IL1RAPL1: variants seen among roughly 807,000 people sequenced by gnomAD.
IL1RAPL1 encodes the protein interleukin 1 receptor accessory protein like 1.
IL1RAPL1 carries 3 observed loss-of-function variants against 48.4 expected under a neutral mutation model. The ratio of observed to expected loss-of-function variants is 0.06; its 90% CI spans 0.03 to 0.16. The LOEUF (loss-of-function observed/expected upper bound fraction) is 0.16. IL1RAPL1 is among the 10% of genes least tolerant of loss of function. The probability of loss-of-function intolerance (pLI) is 1.00; values close to 1 mark genes in which losing one functional copy is unlikely to be tolerated. For synonymous variants in IL1RAPL1, 185 were observed against 187.7 expected (o/e 0.99, Z 0.12); for missense variants, 349 against 530.6 (o/e 0.66, Z 3.36).
chrX:29,009,033 C>G (rs151149065), intron 2 of IL1RAPL1, among the ~76,000 whole-genome samples: 3,172 of 111,307 alleles, frequency 0.028, 116 homozygotes, highest in African/African-American at 0.095. Flanking sequence ...AGAATGAAAT[C>G]ATGTCCTCTG....
At chrX:29,427,304 C>T (rs773218048) in intron 5 of IL1RAPL1, among the ~76,000 whole-genome samples, 2 of 112,183 alleles carry the variant, frequency 1.8e-5, no homozygotes, top group African/African-American at 6.5e-5. Context: ...TAAGTATGGA[C>T]AGCCCAGAGG....
intron 5 of IL1RAPL1, among the ~76,000 whole-genome samples, chrX:29,463,774 C>G (rs2147735385): frequency 8.9e-6 from 1 of 111,770 alleles, no homozygotes; most frequent in Admixed American, 9.5e-5. Context: ...AACTTCCAGA[C>G]TAAGTTAGAA....
intron 8 of IL1RAPL1, among the ~76,000 whole-genome samples, chrX:29,934,197 AC>A (rs1932993595): frequency 8.9e-6 from 1 of 111,811 alleles, no homozygotes; most frequent in African/African-American, 3.2e-5. Context: ...GGAACAAAAA[AC>A]TCATGTCAAA....
In IL1RAPL1 at chrX:28,734,748, C is replaced by T. The variant is rs187514801; in HGVS notation, c.-24-54572C>T. 8.1e-5 allele frequency among the ~76,000 whole-genome samples: 9 copies of T among 111,637 alleles called. No homozygotes were observed. In the East Asian group the frequency reaches 2.5e-3, roughly 32 times the overall value. ...TACTAGAAAGTAAGCTCCATATGGG[C>T]AGGGAACATTTTTCATTTACTGGTT... On this transcript the variant is annotated intron_variant, in intron 1 of 10. Coordinates refer to ENST00000378993, the MANE Select transcript of IL1RAPL1 (RefSeq NM_014271.4).
chrX:28,624,145 GTTAA>G (rs1341396924), intron 1 of IL1RAPL1, among the ~76,000 whole-genome samples: 1 of 111,549 alleles, frequency 9.0e-6, no homozygotes, highest in African/African-American at 3.3e-5. Context: ...GTAGTTTTTA[GTTAA>G]TTGTGAATGT....
intron 6 of IL1RAPL1, among the ~76,000 whole-genome samples, chrX:29,852,706 A>T (rs1308904543): frequency 2.7e-5 from 3 of 111,697 alleles, no homozygotes; most frequent in Non-Finnish European, 5.6e-5. Flanking sequence ...ATGAATAACC[A>T]TGTCTGTTTC....
At chrX:29,221,055 G>A (rs1040402219) in intron 2 of IL1RAPL1, among the ~76,000 whole-genome samples, 12 of 111,049 alleles carry the variant, frequency 1.1e-4, no homozygotes, top group African/African-American at 3.9e-4. Flanking sequence ...GAGTAGCTGG[G>A]ACTACAGGCA....
intron 5 of IL1RAPL1, among the ~76,000 whole-genome samples, chrX:29,547,369 A>G (rs1311688688): frequency 9.0e-6 from 1 of 111,253 alleles, no homozygotes; most frequent in African/African-American, 3.3e-5. Context: ...GGAGAGTCTT[A>G]TAAAATGAAG....
At chrX:29,270,542 C>T (rs1189031529) in intron 2 of IL1RAPL1, among the ~76,000 whole-genome samples, 2 of 111,945 alleles carry the variant, frequency 1.8e-5, no homozygotes, top group Non-Finnish European at 3.8e-5. Flanking sequence ...ATCTTGTCTG[C>T]ACTGAATTGC....
At chrX:29,178,151 T>C (rs948312739) in intron 2 of IL1RAPL1, among the ~76,000 whole-genome samples, 1 of 111,594 alleles carries the variant, frequency 9.0e-6, no homozygotes, top group South Asian at 3.7e-4. Context: ...TAGTTCTAGA[T>C]CCCTGAGGAA....
At chrX:29,128,635 A>G (rs1012808262) in intron 2 of IL1RAPL1, among the ~76,000 whole-genome samples, 2 of 110,918 alleles carry the variant, frequency 1.8e-5, no homozygotes, top group East Asian at 5.7e-4. Context: ...AGTTTATTAT[A>G]ATTTCTTACT....
At chrX:28,779,628 GTGTGTGTATATATATATA>G (rs1409582594) in intron 1 of IL1RAPL1, among the ~76,000 whole-genome samples, 54 of 56,235 alleles carry the variant, frequency 9.6e-4, no homozygotes, top group African/African-American at 3.8e-3. Context: ...ATGTGTGTGT[GTGTGTGTATATATATATA>G]TATATATATA....
chrX:29,605,071 A>AAC (rs757087732), intron 5 of IL1RAPL1, among the ~76,000 whole-genome samples: 2,641 of 65,034 alleles, frequency 0.041, 70 homozygotes, highest in African/African-American at 0.052. Flanking sequence ...CTAAGTCTTA[A>AAC]ACACACACAC....
intron 5 of IL1RAPL1, among the ~76,000 whole-genome samples, chrX:29,528,878 T>C (rs1454303412): frequency 9.0e-6 from 1 of 111,375 alleles, no homozygotes; most frequent in Non-Finnish European, 1.9e-5. Flanking sequence ...ATGGGGATCT[T>C]GGAGCCCCTC....
intron 3 of IL1RAPL1, among the ~76,000 whole-genome samples, chrX:29,317,446 G>A (rs774494567): frequency 3.5e-4 from 39 of 112,069 alleles, no homozygotes; most frequent in Admixed American, 3.2e-3. Context: ...ATAGATGAAC[G>A]TTGGTTGGAA....
intron 5 of IL1RAPL1, among the ~76,000 whole-genome samples, chrX:29,628,606 A>T (rs894990305): frequency 8.9e-6 from 1 of 111,963 alleles, no homozygotes; most frequent in Non-Finnish European, 1.9e-5. Context: ...TATAGGCATG[A>T]TACCCAGGCA....
intron 5 of IL1RAPL1, among the ~76,000 whole-genome samples, chrX:29,410,608 T>G (rs1372832817): frequency 8.9e-6 from 1 of 111,899 alleles, no homozygotes; most frequent in Non-Finnish European, 1.9e-5. Context: ...TTCTGGAAAA[T>G]GCAGTCAATT....
At chrX:29,234,068 A>G (rs1275557872) in intron 2 of IL1RAPL1, among the ~76,000 whole-genome samples, 1 of 112,195 alleles carries the variant, frequency 8.9e-6, no homozygotes, top group Non-Finnish European at 1.9e-5. Context: ...CCCAAGCTCC[A>G]TAAATAAATG....
chrX:29,505,431 G>A (rs1005546893), intron 5 of IL1RAPL1, among the ~76,000 whole-genome samples: 15 of 110,732 alleles, frequency 1.4e-4, no homozygotes, highest in Admixed American at 2.9e-4. Context: ...TAAACAGATC[G>A]GGTCATGGTT....
Sources: gnomAD v4.1 joint callset for allele counts (sites outside exome capture counted in the v4.1 genomes callset) on GRCh38, gnomAD v4.1.1 for gene constraint, MANE v1.5 for transcripts, NCBI Gene and HGNC (gene_info 2026-07-23, HGNC 2026-07-21) for gene names.